Variants in ATP8A2 observed in about 807,000 individuals in gnomAD.
ATP8A2 encodes the protein phospholipid-transporting ATPase IB.
Under a neutral mutation model 165.6 loss-of-function variants are expected in ATP8A2, and 100 were observed. The ratio of observed to expected loss-of-function variants is 0.60; its 90% CI spans 0.51 to 0.71. ATP8A2 has a LOEUF of 0.71. ATP8A2 is among the 30% of genes least tolerant of loss of function. ATP8A2 has a pLI of 0.00. For synonymous variants in ATP8A2, 543 were observed against 548.8 expected (o/e 0.99, Z 0.15); for missense variants, 1,227 against 1,479.5 (o/e 0.83, Z 2.80).
intron 24 of ATP8A2, among the ~76,000 whole-genome samples, chr13:25,595,340 G>A (rs1264569579): frequency 6.6e-6 from 1 of 152,122 alleles, no homozygotes; most frequent in African/African-American, 2.4e-5. Context: ...TGGCTACTGT[G>A]GAATGAAAAT....
chr13:25,866,857 A>G (rs971256141), intron 33 of ATP8A2, among the ~76,000 whole-genome samples: 1 of 152,244 alleles, frequency 6.6e-6, no homozygotes, highest in Non-Finnish European at 1.5e-5. Flanking sequence ...CTGAAGATAC[A>G]GCTGAGTGAT....
At chr13:25,619,357 C>G (rs895939353) in intron 24 of ATP8A2, among the ~76,000 whole-genome samples, 1 of 152,154 alleles carries the variant, frequency 6.6e-6, no homozygotes, top group East Asian at 1.9e-4. Context: ...TGCAGCTCCT[C>G]TTCATAGGAG....
At chr13:25,376,076 A>AT in intron 1 of ATP8A2, among the ~76,000 whole-genome samples, 1 of 151,994 alleles carries the variant, frequency 6.6e-6, no homozygotes, top group South Asian at 2.1e-4. Flanking sequence ...TAGCTGGAGG[A>AT]TATCTCAGAG....
chr13:25,866,599 G>A (rs774392331), intron 33 of ATP8A2, among the ~76,000 whole-genome samples: 2 of 152,026 alleles, frequency 1.3e-5, no homozygotes, highest in Non-Finnish European at 2.9e-5. Flanking sequence ...ATATGTGCAG[G>A]CAATCACGTA....
chr13:25,621,882 AAGCCTTCAGG>A (rs2040977759), intron 24 of ATP8A2, among the ~76,000 whole-genome samples: 2 of 152,132 alleles, frequency 1.3e-5, no homozygotes, highest in South Asian at 4.2e-4. Context: ...TTCATAAATT[AAGCCTTCAGG>A]CCAGGCATGG....
chr13:25,878,114 T>C (rs1020284732), intron 33 of ATP8A2, among the ~76,000 whole-genome samples: 2 of 152,198 alleles, frequency 1.3e-5, no homozygotes, highest in Non-Finnish European at 2.9e-5. Context: ...GAGGACAGCA[T>C]GTTCTGTAGC....
Position 25,758,501 on chromosome 13 carries a change from A to G in ATP8A2, c.2385-10545A>G, listed in dbSNP as rs117688132. On this transcript the variant is annotated intron_variant, in intron 25 of 36. Coordinates refer to ENST00000381655, the MANE Select transcript of ATP8A2 (RefSeq NM_016529.6). ...TATTATGATGGTATTAATCAATTAG[A>G]AAAGCAAGTTGCAAAATAACCTTTA... Among the ~76,000 whole-genome samples the G allele has an allele frequency of 1.1e-3, 171 of 152,350 alleles. 2 individuals carry two copies. The East Asian group carries it at 0.031, about 27-fold the overall frequency.
At chr13:25,381,875 G>A (rs1216782607) in intron 1 of ATP8A2, among the ~76,000 whole-genome samples, 6 of 152,148 alleles carry the variant, frequency 3.9e-5, no homozygotes, top group African/African-American at 1.2e-4. Context: ...GGGCAATGTC[G>A]GCAGTGTTGT....
At chr13:25,486,901 G>A (rs1485657492) in intron 2 of ATP8A2, among the ~76,000 whole-genome samples, 7 of 152,174 alleles carry the variant, frequency 4.6e-5, no homozygotes, top group African/African-American at 1.7e-4. Flanking sequence ...GGGGGGTGGA[G>A]GTTAAAGTGA....
intron 27 of ATP8A2, among the ~76,000 whole-genome samples, chr13:25,776,498 C>G (rs2044744542): frequency 6.6e-6 from 1 of 152,180 alleles, no homozygotes; most frequent in Non-Finnish European, 1.5e-5. Flanking sequence ...GTCTGCTGGT[C>G]TTGTGCTGTA....
intron 24 of ATP8A2, among the ~76,000 whole-genome samples, chr13:25,693,564 T>C: frequency 6.6e-6 from 1 of 152,024 alleles, no homozygotes; most frequent in East Asian, 1.9e-4. Flanking sequence ...GTAAGCAGGA[T>C]TGAGATTGAG....
chr13:25,940,638 A>G (rs1955044673), intron 33 of ATP8A2, among the ~76,000 whole-genome samples: 1 of 152,054 alleles, frequency 6.6e-6, no homozygotes, highest in Admixed American at 6.5e-5. Context: ...TCCACCTCCT[A>G]GCATAGCTGT....
At chr13:25,633,424 A>G (rs1176027759) in intron 24 of ATP8A2, among the ~76,000 whole-genome samples, 1 of 152,156 alleles carries the variant, frequency 6.6e-6, no homozygotes, top group Non-Finnish European at 1.5e-5. Context: ...ACCTTCCTTT[A>G]CAGAGAGAGA....
intron 2 of ATP8A2, among the ~76,000 whole-genome samples, chr13:25,489,954 C>A (rs2036471351): frequency 2.6e-5 from 4 of 152,180 alleles, no homozygotes; most frequent in Admixed American, 2.6e-4. Context: ...CATCCTTAGT[C>A]ATTTATGTTG....
intron 24 of ATP8A2, among the ~76,000 whole-genome samples, chr13:25,689,752 A>G (rs527325587): frequency 7.2e-5 from 11 of 152,318 alleles, no homozygotes; most frequent in African/African-American, 2.6e-4. Context: ...TGGTGTGACA[A>G]GCAACTGTTC....
chr13:26,013,116 C>G (rs1040738991), intron 36 of ATP8A2, among the ~76,000 whole-genome samples: 2 of 145,554 alleles, frequency 1.4e-5, no homozygotes, highest in African/African-American at 5.0e-5. Context: ...TGTGAAACAT[C>G]CCCTCTCCAC....
chr13:25,911,278 T>C (rs1566261885), intron 33 of ATP8A2, among the ~76,000 whole-genome samples: 1 of 152,232 alleles, frequency 6.6e-6, no homozygotes, highest in African/African-American at 2.4e-5. Flanking sequence ...AAGTACCTCT[T>C]TTAATTCCTG....
intron 24 of ATP8A2, among the ~76,000 whole-genome samples, chr13:25,632,736 G>A (rs1011777010): frequency 1.3e-5 from 2 of 152,106 alleles, no homozygotes; most frequent in Admixed American, 1.3e-4. Context: ...CAGTCCCCTG[G>A]GAGTACCTTT....
At chr13:25,487,897 A>G (rs1369256790) in intron 2 of ATP8A2, among the ~76,000 whole-genome samples, 1 of 152,122 alleles carries the variant, frequency 6.6e-6, no homozygotes, top group Non-Finnish European at 1.5e-5. Flanking sequence ...CTATAGTATA[A>G]GGAACAAAAC....
Sources: allele counts gnomAD v4.1 joint callset (sites outside exome capture counted in the v4.1 genomes callset), GRCh38; gene constraint gnomAD v4.1.1; transcripts MANE v1.5; gene names NCBI Gene and HGNC (gene_info 2026-07-23, HGNC 2026-07-21).